CRACD: variants seen among roughly 807,000 people sequenced by gnomAD.
CRACD encodes capping protein-inhibiting regulator of actin dynamics.
CRACD carries 56 observed loss-of-function variants against 106.8 expected under a neutral mutation model. The ratio of observed to expected loss-of-function variants is 0.52; its 90% CI spans 0.42 to 0.66. The LOEUF (loss-of-function observed/expected upper bound fraction) is 0.66, where lower values mean the gene tolerates loss of function less well. Among genes scored for constraint, CRACD ranks in the 30% least tolerant of loss-of-function variants. The pLI is 0.00. For synonymous variants in CRACD, 754 were observed against 670.8 expected, an observed-to-expected ratio of 1.12 and a Z score of -1.92; for missense variants, 1,730 against 1,623.2, an observed-to-expected ratio of 1.07 and a Z score of -1.13.
At chr4:56,248,726 T>A (rs1403435303) in intron 2 of CRACD, among the ~76,000 whole-genome samples, 2 of 72,924 alleles carry the variant, frequency 2.7e-5, no homozygotes. Flanking sequence ...CCCTCCCCCC[T>A]CCCCCCACCC....
At chr4:56,263,520 A>G (rs10030109) in intron 2 of CRACD, among the ~76,000 whole-genome samples, 40,904 of 151,890 alleles carry the variant, frequency 0.27, 5,662 homozygotes, top group African/African-American at 0.3. Context: ...ATCTTATCCT[A>G]TGTCTTCATA....
chr4:56,317,452 C>A (rs553089503), intron 8 of CRACD, among the ~76,000 whole-genome samples: 1 of 152,116 alleles, frequency 6.6e-6, no homozygotes. Context: ...TTTACACAAG[C>A]GATAAAAGGT....
intron 2 of CRACD, among the ~76,000 whole-genome samples, chr4:56,201,022 C>T (rs993926244): frequency 2.0e-5 from 3 of 152,158 alleles, no homozygotes; most frequent in South Asian, 2.1e-4. Context: ...CTAAAACTCA[C>T]CATTCAAACC....
chr4:56,093,551 T>A (rs1256168198), intron 1 of CRACD, among the ~76,000 whole-genome samples: 2 of 152,218 alleles, frequency 1.3e-5, no homozygotes, highest in Non-Finnish European at 2.9e-5. Context: ...TGCACCCAGC[T>A]ACCTTCCCTT....
chr4:56,260,235 A>G (rs506102), intron 2 of CRACD, among the ~76,000 whole-genome samples: 39,050 of 152,182 alleles, frequency 0.26, 5,176 homozygotes, highest in Non-Finnish European at 0.28. Context: ...ATCATCTAAC[A>G]TAAGATACGA....
chr4:56,180,350 G>C (rs556732627), intron 2 of CRACD, among the ~76,000 whole-genome samples: 2 of 151,958 alleles, frequency 1.3e-5, no homozygotes, highest in Non-Finnish European at 2.9e-5. Flanking sequence ...ACAGCTGGGC[G>C]TGATGGCGGG....
chr4:56,235,456 C>A (rs1211940632), intron 2 of CRACD, among the ~76,000 whole-genome samples: 2 of 152,210 alleles, frequency 1.3e-5, no homozygotes, highest in East Asian at 3.8e-4. Context: ...AATACCAGCT[C>A]ACATCTCTAT....
chr4:56,198,341 T>C (rs2109468976), intron 2 of CRACD, among the ~76,000 whole-genome samples: 1 of 152,324 alleles, frequency 6.6e-6, no homozygotes, highest in South Asian at 2.1e-4. Flanking sequence ...TGTGGTATCA[T>C]AGGTCTTTGA....
At chr4:56,323,865 A>G (rs1202198129) in intron 9 of CRACD, among the ~76,000 whole-genome samples, 1 of 152,252 alleles carries the variant, frequency 6.6e-6, no homozygotes, top group Non-Finnish European at 1.5e-5. Flanking sequence ...GCCAGATGTT[A>G]TAGTCAGTTT....
intron 1 of CRACD, among the ~76,000 whole-genome samples, chr4:56,141,798 A>G (rs1280539513): frequency 1.4e-5 from 2 of 138,434 alleles, no homozygotes; most frequent in African/African-American, 5.5e-5. Flanking sequence ...GGCTCAAGTG[A>G]TCCTCCCTCC....
intron 3 of CRACD, among the ~76,000 whole-genome samples, chr4:56,288,841 G>A (rs1350809641): frequency 6.6e-6 from 1 of 152,184 alleles, no homozygotes; most frequent in Non-Finnish European, 1.5e-5. Flanking sequence ...TCATTGCAGT[G>A]CTACTTACAA....
chr4:56,215,274 G>A (rs1469683371), intron 2 of CRACD, among the ~76,000 whole-genome samples: 1 of 152,118 alleles, frequency 6.6e-6, no homozygotes, highest in Non-Finnish European at 1.5e-5. Context: ...TCTCACCTCA[G>A]CCTTCCAAAG....
intron 1 of CRACD, among the ~76,000 whole-genome samples, chr4:56,050,870 A>G (rs1432575121): frequency 6.6e-6 from 1 of 152,226 alleles, no homozygotes; most frequent in Non-Finnish European, 1.5e-5. Context: ...CTTTCACTCT[A>G]AAGACTTAGC....
intron 1 of CRACD, among the ~76,000 whole-genome samples, chr4:56,166,675 CA>C (rs35537364): frequency 0.072 from 6,683 of 92,546 alleles, 282 homozygotes; most frequent in East Asian, 0.39. Context: ...CACTCTGTCT[CA>C]AAAAAAAAAA....
chr4:56,170,266 A>C (rs1481813912), intron 1 of CRACD: 2 of 152,170 alleles, frequency 1.3e-5, no homozygotes, highest in Non-Finnish European at 1.5e-5. Flanking sequence ...TATTCTGAAG[A>C]GCGCAGGTTC....
chr4:56,314,211 C>T lies in CRACD; in HGVS notation c.709C>T (p.Arg237Trp). 1.9e-6 allele frequency: 3 copies of T among 1,607,876 alleles called. No homozygotes were observed. Among genetic ancestry groups the T allele is most frequent in the Non-Finnish European group, 2.5e-6 (3 of 1,177,204 alleles). The change falls in exon 8 of 11, where the codon CGG becomes TGG. Residue 237 changes from arginine (R) to tryptophan (W), a missense_variant. Physicochemically the swap from Arg to Trp is moderately radical, Grantham distance 101. Around this residue, in one of 5 missense-constraint regions of CRACD, gnomAD observed 1,620 missense variants for 1,481.6 expected, o/e 1.09. Transcript: ENST00000682029. The surrounding 1 kb of genome is among the most constrained non-coding windows in gnomAD (Gnocchi z 4.4). ...GCGAGAACTGGAGGCCAAGTGCAAGCGGCAAAAGGCGGAAGCAGCCGAGAA... is the reference window on the plus strand; with the variant it reads ...GCGAGAACTGGAGGCCAAGTGCAAGTGGCAAAAGGCGGAAGCAGCCGAGAA... ...YWRELEAKCK[R>W]QKAEAAEKRR...
chr4:56,132,724 G>A lies in CRACD; in HGVS notation c.-335-46560G>A, dbSNP rs534301179. ...TGACCATACTGTAAGCTTCTAGAGGGCAGACACATCATTTCCAAAGGACGC... is the reference window on the plus strand; with the variant it reads ...TGACCATACTGTAAGCTTCTAGAGGACAGACACATCATTTCCAAAGGACGC... On this transcript the variant is annotated intron_variant, in intron 1 of 10. Coordinates refer to ENST00000682029, the MANE Select transcript of CRACD (RefSeq NM_001393381.1). Among the ~76,000 whole-genome samples, 4 of 152,066 alleles carry A rather than the reference G, an allele frequency of 2.6e-5. No individual in the cohort carries two copies. In the South Asian group the frequency reaches 8.3e-4, roughly 32 times the overall value.
intron 1 of CRACD, among the ~76,000 whole-genome samples, chr4:56,080,048 A>G (rs1465988064): frequency 6.6e-6 from 1 of 152,204 alleles, no homozygotes; most frequent in African/African-American, 2.4e-5. Context: ...AACAATGTTA[A>G]AAGAAATGGC....
chr4:56,176,429 TTC>T (rs1339489959), intron 1 of CRACD, among the ~76,000 whole-genome samples: 106 of 95,518 alleles, frequency 1.1e-3, no homozygotes, highest in African/African-American at 4.2e-3. Flanking sequence ...TCCTTCCAAT[TTC>T]TTTTTTTTTT....
Sources: allele counts gnomAD v4.1 joint callset (sites outside exome capture counted in the v4.1 genomes callset), GRCh38; gene constraint gnomAD v4.1.1; regional missense constraint gnomAD v4.1.1; non-coding constraint Gnocchi (gnomAD v3.1); transcripts MANE v1.5; gene names NCBI Gene and HGNC (gene_info 2026-07-23, HGNC 2026-07-21).